The following RP1 variants were observed in gnomAD, a reference collection of about 807,000 sequenced individuals.
RP1 encodes oxygen-regulated protein 1.
Under a neutral mutation model 14.8 loss-of-function variants are expected in RP1, and 16 were observed. That is an observed-to-expected ratio of 1.08 (90% CI 0.73 to 1.65). RP1 has a LOEUF of 1.65. Ranked by LOEUF, RP1 falls within the 40% of genes most tolerant of loss-of-function variation. RP1 has a pLI of 0.00. For synonymous variants in RP1, 876 were observed against 883.6 expected, an observed-to-expected ratio of 0.99 and a Z score of 0.15; for missense variants, 2,631 against 2,535.0, an observed-to-expected ratio of 1.04 and a Z score of -0.81.
intron 13 of RP1, chr8:54,701,382 T>A: frequency 4.2e-6 from 4 of 941,784 alleles, no homozygotes; most frequent in Non-Finnish European, 5.7e-6. Context: ...TAGTACAAAG[T>A]TTCCATAAAA....
At chr8:54,575,245 G>A (rs1316293664) in intron 1 of RP1, among the ~76,000 whole-genome samples, 3 of 152,182 alleles carry the variant, frequency 2.0e-5, no homozygotes, top group African/African-American at 7.2e-5. Context: ...TGATCTGGAA[G>A]CTGTGAAGGG....
chr8:54,627,371 G>T lies in RP1; in HGVS notation c.3489G>T (p.Leu1163Phe). 1.9e-6 allele frequency: 3 copies of T among 1,614,142 alleles called. No individual in the cohort carries two copies. The highest frequency in any genetic ancestry group is 2.2e-5 in the East Asian group (1 of 44,884). The change falls in exon 4 of 4, where the codon TTG becomes TTT. Residue 1163 changes from leucine to phenylalanine, a missense_variant. By Grantham distance (22) the Leu-to-Phe change is conservative. Coordinates refer to ENST00000220676, the MANE Select transcript of RP1 (RefSeq NM_006269.2). Reference protein sequence around the residue: ...ATNKSSETLALLEILKHIAIT... With the variant: ...ATNKSSETLAFLEILKHIAIT... ...ACAAATCTTCAGAAACACTTGCATT[G>T]TTGGAGATTCTAAAGCACATAGCTA... is the stretch of plus-strand genomic sequence containing the variant.
At chr8:54,639,725 A>G (rs1806420947) in intron 3 of RP1, among the ~76,000 whole-genome samples, 1 of 152,060 alleles carries the variant, frequency 6.6e-6, no homozygotes. Flanking sequence ...TTTCAAATTT[A>G]TTTTCTGTTG....
intron 3 of RP1, 102 bp downstream of exon 3, chr8:54,622,390 C>T (rs1805905822): frequency 4.1e-6 from 4 of 964,430 alleles, no homozygotes; most frequent in Non-Finnish European, 6.6e-6. Context: ...TCTTCCACCA[C>T]AGAAACGAAA....
At chr8:54,693,462 C>T (rs1348363780) in intron 12 of RP1, among the ~76,000 whole-genome samples, 1 of 151,998 alleles carries the variant, frequency 6.6e-6, no homozygotes, top group Non-Finnish European at 1.5e-5. Flanking sequence ...ATGGAATGTT[C>T]TTCCATTTGT....
chr8:54,779,277 T>C (rs969681694), intron 23 of RP1, among the ~76,000 whole-genome samples: 1 of 152,200 alleles, frequency 6.6e-6, no homozygotes, highest in African/African-American at 2.4e-5. Context: ...GTAAGAGTCA[T>C]GGGAACACGT....
intron 25 of RP1, among the ~76,000 whole-genome samples, chr8:54,850,425 T>C (rs979739822): frequency 6.6e-6 from 1 of 152,260 alleles, no homozygotes; most frequent in Non-Finnish European, 1.5e-5. Context: ...TCCTTCTATA[T>C]ATCCTTCCCT....
intron 7 of RP1, among the ~76,000 whole-genome samples, chr8:54,670,699 ATAT>A (rs1807158318): frequency 7.2e-6 from 1 of 138,628 alleles, no homozygotes; most frequent in Non-Finnish European, 1.5e-5. Flanking sequence ...ATATATATAT[ATAT>A]ATATAAAACA....
At chr8:54,678,546 T>C in intron 9 of RP1, 2 of 1,531,098 alleles carry the variant, frequency 1.3e-6, no homozygotes, top group Non-Finnish European at 1.7e-6. Flanking sequence ...GGTTTGTAGG[T>C]GTACTTTTAC....
At chr8:54,755,135 T>C (rs1054424073) in intron 20 of RP1, among the ~76,000 whole-genome samples, 3 of 152,194 alleles carry the variant, frequency 2.0e-5, no homozygotes, top group Non-Finnish European at 4.4e-5. Context: ...AAAATTGTTC[T>C]TGTGGCCCAG....
intron 1 of RP1, among the ~76,000 whole-genome samples, chr8:54,577,504 CT>C (rs547380498): frequency 5.5e-4 from 84 of 152,160 alleles, no homozygotes; most frequent in Non-Finnish European, 9.1e-4. Flanking sequence ...TACTTGTGTA[CT>C]TTTTTTGCTT....
chr8:54,804,194 A>G (rs1218346192), intron 24 of RP1, among the ~76,000 whole-genome samples: 1 of 152,166 alleles, frequency 6.6e-6, no homozygotes, highest in Non-Finnish European at 1.5e-5. Flanking sequence ...GCTTCTTTGA[A>G]TAAACTTTGT....
At chr8:54,720,022 T>C in intron 15 of RP1, 3 of 902,862 alleles carry the variant, frequency 3.3e-6, no homozygotes, top group South Asian at 1.9e-5. Context: ...AGATTTATCA[T>C]AGTGATTCGA....
rs143709529 is a variant in RP1 at position 54,780,896 on chromosome 8, A to G, written c.3452-2651A>G. ...ACATATACTGATTGCACGTGGTTGC[A>G]TGAGAATGGAAATGGCAGAGCACAT... On this transcript the variant is annotated intron_variant, in intron 23 of 28. Transcript: ENST00000637698. The G allele has an allele frequency of 1.8e-5, 18 of 984,514 alleles. No homozygotes were observed. In the East Asian group the frequency reaches 5.7e-4, roughly 31 times the overall value. The allele number at this position is 984,514 out of a possible 1,614,324, so 61.0% of individuals were successfully genotyped here.
At chr8:54,577,209 T>G (rs960295927) in intron 1 of RP1, among the ~76,000 whole-genome samples, 34 of 152,038 alleles carry the variant, frequency 2.2e-4, no homozygotes, top group African/African-American at 8.2e-4. Context: ...AGAGATGGTG[T>G]TTCATCAAGT....
At chr8:54,738,095 G>A (rs1455884587) in intron 18 of RP1, among the ~76,000 whole-genome samples, 2 of 152,142 alleles carry the variant, frequency 1.3e-5, no homozygotes, top group Non-Finnish European at 2.9e-5. Context: ...CCAAGTTAGA[G>A]ATTGTGCCGT....
chr8:54,828,920 C>G (rs1811455465), intron 24 of RP1, among the ~76,000 whole-genome samples: 1 of 103,222 alleles, frequency 9.7e-6, no homozygotes, highest in Non-Finnish European at 1.8e-5. Context: ...GAGATGGAGT[C>G]TCGCTCTGTC....
Position 54,626,660 on chromosome 8 carries a change from TC to T in RP1, c.2780del (p.Pro927GlnfsTer3), listed in dbSNP as rs2129316850. The T allele has an allele frequency of 1.9e-6, 3 of 1,613,868 alleles. No individual in the cohort carries two copies. The highest frequency in any genetic ancestry group is 2.5e-6 in the Non-Finnish European group (3 of 1,179,876). On this transcript the variant is annotated frameshift_variant, in exon 4 of 4. Coordinates refer to ENST00000220676, the MANE Select transcript of RP1 (RefSeq NM_006269.2). LOFTEE classifies it low-confidence loss of function (END_TRUNC). ...QSWLQNINPY[P>X]TLKPIKSAPV... ...GTTGGTTGCAGAACATAAATCCATA[TC>T]CAACTTTAAAGCCTATAAAATCAGC...
intron 24 of RP1, among the ~76,000 whole-genome samples, chr8:54,783,938 A>G (rs956192772): frequency 3.9e-5 from 6 of 152,166 alleles, no homozygotes; most frequent in Non-Finnish European, 7.4e-5. Flanking sequence ...AAGGCAAAAA[A>G]CTACATGCAT....
Sources: gnomAD v4.1 joint callset for allele counts (sites outside exome capture counted in the v4.1 genomes callset) on GRCh38, gnomAD v4.1.1 for gene constraint, MANE v1.5 for transcripts, NCBI Gene and HGNC (gene_info 2026-07-23, HGNC 2026-07-21) for gene names.